LRP1B: variants seen among roughly 807,000 people sequenced by gnomAD.
The protein encoded by LRP1B is low-density lipoprotein receptor-related protein 1B.
A neutral mutation model predicts 556.6 loss-of-function variants in LRP1B; 217 were observed. The ratio of observed to expected loss-of-function variants is 0.39; its 90% CI spans 0.35 to 0.44. The LOEUF (loss-of-function observed/expected upper bound fraction) is 0.44. Ranked by LOEUF, LRP1B falls within the 20% of genes least tolerant of loss-of-function variation. The pLI is 1.00. For missense variants in LRP1B, 5,053 were observed against 5,620.8 expected, an observed-to-expected ratio of 0.90 and a Z score of 3.23; for synonymous variants, 2,047 against 1,865.8, an observed-to-expected ratio of 1.10 and a Z score of -2.50.
At chr2:141,947,823 A>AG (rs1700997221) in intron 1 of LRP1B, among the ~76,000 whole-genome samples, 1 of 119,194 alleles carries the variant, frequency 8.4e-6, no homozygotes, top group African/African-American at 3.2e-5. Flanking sequence ...TCAGAAAAAA[A>AG]AAACAACAAT....
chr2:141,111,989 T>C (rs1700765129), intron 7 of LRP1B, among the ~76,000 whole-genome samples: 1 of 151,252 alleles, frequency 6.6e-6, no homozygotes, highest in Admixed American at 6.6e-5. Flanking sequence ...GAGCTTGTAG[T>C]GAGACAAGAA....
At chr2:140,526,034 T>G (rs1352047) in intron 48 of LRP1B, 41 bp from the exon 49 acceptor site, 1,597,042 of 1,601,412 alleles carry the variant, frequency 1, 796,443 homozygotes, top group East Asian at 1. Context: ...TACCTCATTT[T>G]CAAAGATTAT....
intron 1 of LRP1B, among the ~76,000 whole-genome samples, chr2:141,873,044 G>A (rs1698639940): frequency 6.6e-6 from 1 of 152,012 alleles, no homozygotes; most frequent in Non-Finnish European, 1.5e-5. Context: ...GAATAATGGT[G>A]AGTGTTTATT....
chr2:141,014,300 C>T (rs1182409087), intron 13 of LRP1B, among the ~76,000 whole-genome samples: 4 of 152,042 alleles, frequency 2.6e-5, no homozygotes, highest in African/African-American at 9.7e-5. Flanking sequence ...AACACAGACA[C>T]ATTTATTATT....
chr2:140,749,826 C>G (rs1688508009), intron 35 of LRP1B, among the ~76,000 whole-genome samples: 1 of 152,118 alleles, frequency 6.6e-6, no homozygotes, highest in Non-Finnish European at 1.5e-5. Flanking sequence ...TTACTATTGT[C>G]AAGTATTATA....
intron 37 of LRP1B, among the ~76,000 whole-genome samples, chr2:140,715,049 G>T (rs1293196062): frequency 6.6e-6 from 1 of 152,094 alleles, no homozygotes; most frequent in African/African-American, 2.4e-5. Context: ...GTTGGCAAAG[G>T]CTGGAAGTGG....
At chr2:140,981,695 T>C (rs1231168472) in intron 18 of LRP1B, among the ~76,000 whole-genome samples, 2 of 152,140 alleles carry the variant, frequency 1.3e-5, no homozygotes, top group African/African-American at 4.8e-5. Context: ...TCTACGGAAA[T>C]GAAAACAATG....
At chr2:141,413,654 G>A (rs894898395) in intron 3 of LRP1B, among the ~76,000 whole-genome samples, 1 of 152,146 alleles carries the variant, frequency 6.6e-6, no homozygotes, top group Non-Finnish European at 1.5e-5. Flanking sequence ...ACTCCCACCT[G>A]TAATCCCAGC....
chr2:140,412,959 A>G (rs1201908262), intron 66 of LRP1B, among the ~76,000 whole-genome samples: 1 of 152,132 alleles, frequency 6.6e-6, no homozygotes, highest in Admixed American at 6.5e-5. Flanking sequence ...TTTTGTACCT[A>G]ACATTCCAAC....
chr2:141,289,960 G>A lies in LRP1B; in HGVS notation c.344-35319C>T, dbSNP rs182546862. 1.3e-4 allele frequency among the ~76,000 whole-genome samples: 20 copies of A among 152,242 alleles called. 1 individual carries two copies. In the East Asian group the frequency reaches 3.1e-3, roughly 24 times the overall value. On this transcript the variant is annotated intron_variant, in intron 3 of 90. Transcript: ENST00000389484. ...AACATTCACTGTGAATCTATAAAGT[G>A]ACTTGGTTTTTTTTCTATCATTTAT...
At chr2:140,416,529 G>T (rs570315151) in intron 66 of LRP1B, among the ~76,000 whole-genome samples, 8 of 152,166 alleles carry the variant, frequency 5.3e-5, no homozygotes, top group African/African-American at 7.2e-5. Flanking sequence ...GGTGATGCAT[G>T]CCTGCAGTCC....
At chr2:141,990,066 A>G (rs917367736) in intron 1 of LRP1B, among the ~76,000 whole-genome samples, 7 of 152,104 alleles carry the variant, frequency 4.6e-5, no homozygotes, top group African/African-American at 1.4e-4. Flanking sequence ...TGATTCTTTA[A>G]AAACTGTGAC....
chr2:141,452,487 A>G (rs73963088), intron 3 of LRP1B, among the ~76,000 whole-genome samples: 9,038 of 152,258 alleles, frequency 0.059, 891 homozygotes, highest in African/African-American at 0.2. Flanking sequence ...CAGTTCCTCA[A>G]TGCTGAATTC....
At chr2:140,762,751 C>T (rs1688970493) in intron 35 of LRP1B, among the ~76,000 whole-genome samples, 1 of 152,126 alleles carries the variant, frequency 6.6e-6, no homozygotes, top group Non-Finnish European at 1.5e-5. Flanking sequence ...AATAACTTTC[C>T]TTTTCCTTTA....
intron 2 of LRP1B, among the ~76,000 whole-genome samples, chr2:141,680,366 T>C (rs1223410832): frequency 6.6e-6 from 1 of 152,194 alleles, no homozygotes; most frequent in Non-Finnish European, 1.5e-5. Flanking sequence ...ATGAGAATAA[T>C]TTGTGCTAAC....
At chr2:140,644,457 G>C (rs951702949) in intron 41 of LRP1B, among the ~76,000 whole-genome samples, 5 of 148,116 alleles carry the variant, frequency 3.4e-5, no homozygotes, top group African/African-American at 1.3e-4. Flanking sequence ...CAGAGGGAGT[G>C]GCACTATGTT....
At chr2:141,464,264 C>A (rs888871209) in intron 3 of LRP1B, among the ~76,000 whole-genome samples, 11 of 152,092 alleles carry the variant, frequency 7.2e-5, no homozygotes, top group Non-Finnish European at 1.2e-4. Context: ...GAATTTGGTA[C>A]AATCTCTAAC....
chr2:140,344,759 G>A (rs1057104237), intron 77 of LRP1B, among the ~76,000 whole-genome samples: 3 of 151,696 alleles, frequency 2.0e-5, no homozygotes, highest in Non-Finnish European at 4.4e-5. Flanking sequence ...TTAGCATGTC[G>A]ATATATGTTA....
intron 43 of LRP1B, among the ~76,000 whole-genome samples, chr2:140,594,261 C>T (rs558380163): frequency 3.3e-5 from 5 of 152,244 alleles, no homozygotes; most frequent in East Asian, 3.9e-4. Context: ...TGAGCCACCG[C>T]GCCTGGCCCA....
Sources: allele counts gnomAD v4.1 joint callset (sites outside exome capture counted in the v4.1 genomes callset), GRCh38; gene constraint gnomAD v4.1.1; transcripts MANE v1.5; gene names NCBI Gene and HGNC (gene_info 2026-07-23, HGNC 2026-07-21).